Variants in ARHGAP15 observed in about 807,000 individuals in gnomAD.
ARHGAP15 encodes Rho GTPase activating protein 15, also known as rho GTPase-activating protein 15.
In ARHGAP15, 51 loss-of-function variants were observed where a neutral mutation model predicts 63.7. That is an observed-to-expected ratio of 0.80 (90% CI 0.64 to 1.01). The LOEUF is 1.01. ARHGAP15 is among the 50% of genes least tolerant of loss of function. The probability of loss-of-function intolerance (pLI) is 0.00; values close to 1 mark genes in which losing one functional copy is unlikely to be tolerated. For synonymous variants in ARHGAP15, 191 were observed against 193.8 expected (o/e 0.99, Z 0.12); for missense variants, 560 against 564.6 (o/e 0.99, Z 0.08).
chr2:143,185,457 G>A (rs1490743864), intron 2 of ARHGAP15, among the ~76,000 whole-genome samples: 1 of 152,116 alleles, frequency 6.6e-6, no homozygotes, highest in Non-Finnish European at 1.5e-5. Flanking sequence ...TAATCACATG[G>A]AAGTTTCCTT....
intron 6 of ARHGAP15, among the ~76,000 whole-genome samples, chr2:143,361,704 C>T (rs907836314): frequency 6.6e-6 from 1 of 152,084 alleles, no homozygotes; most frequent in African/African-American, 2.4e-5. Context: ...ATTCTGCTTC[C>T]TCTTCTTTAG....
chr2:143,372,402 C>T (rs1200229063), intron 6 of ARHGAP15, among the ~76,000 whole-genome samples: 1 of 147,562 alleles, frequency 6.8e-6, no homozygotes, highest in Non-Finnish European at 1.5e-5. Context: ...TTCTATTTCA[C>T]CAATGATACC....
chr2:143,751,811 T>C (rs780202027), intron 13 of ARHGAP15, among the ~76,000 whole-genome samples: 3 of 152,132 alleles, frequency 2.0e-5, no homozygotes, highest in Middle Eastern at 3.2e-3. Context: ...ATGTGGATCA[T>C]CTGGGTGCCA....
chr2:143,534,266 G>A (rs756406136), intron 10 of ARHGAP15, among the ~76,000 whole-genome samples: 2 of 151,972 alleles, frequency 1.3e-5, no homozygotes, highest in Non-Finnish European at 2.9e-5. Context: ...CTTCCCCTTC[G>A]CCTTCCACCC....
intron 6 of ARHGAP15, among the ~76,000 whole-genome samples, chr2:143,271,319 A>AGG (rs1400505321): frequency 6.6e-6 from 1 of 152,234 alleles, no homozygotes; most frequent in East Asian, 1.9e-4. Flanking sequence ...GGTCAACACC[A>AGG]GGTACATTCC....
chr2:143,246,916 T>A (rs1418453914), intron 5 of ARHGAP15, among the ~76,000 whole-genome samples: 6 of 152,078 alleles, frequency 3.9e-5, no homozygotes, highest in Non-Finnish European at 8.8e-5. Flanking sequence ...ACGGGCAAGG[T>A]CCTGGAGAGG....
chr2:143,257,052 T>C lies in ARHGAP15; in HGVS notation c.474+6452T>C, dbSNP rs188501932. 3.7e-3 allele frequency among the ~76,000 whole-genome samples: 568 copies of C among 152,284 alleles called. 5 individuals are homozygous for C. The highest frequency in any genetic ancestry group is 0.012 in the African/African-American group (495 of 41,572). On this transcript the variant is annotated intron_variant, in intron 6 of 13. Transcript: ENST00000295095. The stretch of plus-strand genomic sequence containing the variant: ...AATAATAAAACTTTTTTAAAAAATA[T>C]ATTCTAGACATCTAGAATTAAGATT...
chr2:143,279,995 C>G (rs1309274720), intron 6 of ARHGAP15, among the ~76,000 whole-genome samples: 2 of 152,118 alleles, frequency 1.3e-5, no homozygotes, highest in Non-Finnish European at 2.9e-5. Flanking sequence ...CTGGGAACAG[C>G]CAGGTTGACT....
chr2:143,414,127 CT>C (rs1326374488), intron 6 of ARHGAP15, among the ~76,000 whole-genome samples: 1 of 150,842 alleles, frequency 6.6e-6, no homozygotes, highest in Non-Finnish European at 1.5e-5. Flanking sequence ...TATATGTATA[CT>C]TATATATGTA....
chr2:143,200,591 C>T (rs1480244622), intron 2 of ARHGAP15, among the ~76,000 whole-genome samples: 1 of 152,058 alleles, frequency 6.6e-6, no homozygotes, highest in South Asian at 2.1e-4. Flanking sequence ...GCCCCTTCTT[C>T]CCTCCTTCTT....
intron 6 of ARHGAP15, among the ~76,000 whole-genome samples, chr2:143,261,839 C>G (rs928193125): frequency 2.6e-5 from 4 of 152,066 alleles, no homozygotes; most frequent in African/African-American, 4.8e-5. Flanking sequence ...GAAGAAAAGC[C>G]AATGCAGAAC....
At chr2:143,160,138 C>A (rs1407810269) in intron 2 of ARHGAP15, among the ~76,000 whole-genome samples, 1 of 151,834 alleles carries the variant, frequency 6.6e-6, no homozygotes, top group Non-Finnish European at 1.5e-5. Context: ...TTCCTTTTAT[C>A]TAGCTCTGTA....
chr2:143,284,582 A>G (rs551770424), intron 6 of ARHGAP15, among the ~76,000 whole-genome samples: 1 of 152,320 alleles, frequency 6.6e-6, no homozygotes, highest in Non-Finnish European at 1.5e-5. Context: ...GAGCTAACAC[A>G]GATAACCCAA....
intron 12 of ARHGAP15, among the ~76,000 whole-genome samples, chr2:143,646,087 A>G (rs1481394103): frequency 6.6e-6 from 1 of 152,060 alleles, no homozygotes; most frequent in Non-Finnish European, 1.5e-5. Context: ...TGAGCAGGGC[A>G]TGGTGTTGCA....
At chr2:143,546,966 G>T (rs924871187) in intron 10 of ARHGAP15, among the ~76,000 whole-genome samples, 2 of 151,968 alleles carry the variant, frequency 1.3e-5, no homozygotes, top group African/African-American at 4.8e-5. Context: ...CTGTTTATAG[G>T]TACCTTGTTT....
At chr2:143,651,596 G>A (rs1256882279) in intron 12 of ARHGAP15, among the ~76,000 whole-genome samples, 1 of 151,946 alleles carries the variant, frequency 6.6e-6, no homozygotes, top group East Asian at 1.9e-4. Flanking sequence ...CCTAGGAGTG[G>A]AATGACTGGG....
chr2:143,185,694 T>C (rs939279121), intron 2 of ARHGAP15, among the ~76,000 whole-genome samples: 14 of 152,204 alleles, frequency 9.2e-5, no homozygotes, highest in Admixed American at 7.9e-4. Context: ...ACTGCTATCA[T>C]AGGAAATCTA....
At chr2:143,257,540 G>A (rs1197464075) in intron 6 of ARHGAP15, among the ~76,000 whole-genome samples, 1 of 152,046 alleles carries the variant, frequency 6.6e-6, no homozygotes, top group African/African-American at 2.4e-5. Flanking sequence ...TAAATTCTGG[G>A]TTTTAGTCTG....
chr2:143,497,344 C>T (rs186923702), intron 9 of ARHGAP15, among the ~76,000 whole-genome samples: 4 of 152,264 alleles, frequency 2.6e-5, no homozygotes, highest in Admixed American at 2.6e-4. Flanking sequence ...GGAGAGATGG[C>T]CCATGGCTGT....
Sources: gnomAD v4.1 joint callset for allele counts (sites outside exome capture counted in the v4.1 genomes callset) on GRCh38, gnomAD v4.1.1 for gene constraint, MANE v1.5 for transcripts, NCBI Gene and HGNC (gene_info 2026-07-23, HGNC 2026-07-21) for gene names.